Variants in PKIB observed in about 807,000 individuals in gnomAD.
PKIB encodes the protein cAMP-dependent protein kinase inhibitor beta.
Under a neutral mutation model 4.5 loss-of-function variants are expected in PKIB, and 2 were observed. The observed-to-expected ratio is 0.44, with a 90% CI of 0.18 to 1.39. PKIB has a LOEUF of 1.39. PKIB is among the 40% of genes most tolerant of loss of function. The pLI, the probability that PKIB is intolerant of heterozygous loss-of-function variation, is 0.27. For missense variants in PKIB, 94 were observed against 92.6 expected (o/e 1.02, Z -0.06); for synonymous variants, 38 against 36.0 (o/e 1.06, Z -0.20).
At chr6:122,626,073 T>TATAGATAG (rs61494727) in intron 1 of PKIB, among the ~76,000 whole-genome samples, 3,800 of 151,084 alleles carry the variant, frequency 0.025, 53 homozygotes, top group Non-Finnish European at 0.034. Flanking sequence ...AATTTCAAAA[T>TATAGATAG]ATAGATAGAT....
chr6:122,605,113 C>T (rs988720700), intron 3 of PKIB, among the ~76,000 whole-genome samples: 6 of 152,168 alleles, frequency 3.9e-5, no homozygotes, highest in Non-Finnish European at 8.8e-5. Context: ...CCCTAGGCCA[C>T]TCTGTCACCC....
At chr6:122,534,650 T>C (rs917911645) in intron 2 of PKIB, among the ~76,000 whole-genome samples, 2 of 152,024 alleles carry the variant, frequency 1.3e-5, no homozygotes, top group Non-Finnish European at 2.9e-5. Flanking sequence ...AATACTTTCA[T>C]TGGAAAAATA....
At chr6:122,502,473 G>A (rs760911012) in intron 2 of PKIB, among the ~76,000 whole-genome samples, 2 of 151,692 alleles carry the variant, frequency 1.3e-5, no homozygotes, top group Non-Finnish European at 2.9e-5. Context: ...TCAGAAGAGG[G>A]CAAAGGGGAA....
chr6:122,722,629 G>T (rs1387698391), intron 4 of PKIB, among the ~76,000 whole-genome samples: 1 of 152,132 alleles, frequency 6.6e-6, no homozygotes, highest in African/African-American at 2.4e-5. Context: ...TGGTTATAGA[G>T]TACCATTTTC....
At chr6:122,546,121 G>T (rs1033732944) in intron 2 of PKIB, among the ~76,000 whole-genome samples, 1 of 152,050 alleles carries the variant, frequency 6.6e-6, no homozygotes, top group Non-Finnish European at 1.5e-5. Flanking sequence ...GGCAAATCAG[G>T]TCTTCAGCTG....
intron 3 of PKIB, among the ~76,000 whole-genome samples, chr6:122,594,688 G>C (rs777046463): frequency 6.6e-6 from 1 of 152,106 alleles, no homozygotes; most frequent in African/African-American, 2.4e-5. Context: ...ATCTCAACAG[G>C]TCGTGGTTTT....
intron 4 of PKIB, 86 bp downstream of exon 4, chr6:122,718,049 T>A: frequency 7.4e-7 from 1 of 1,352,640 alleles, no homozygotes; most frequent in Non-Finnish European, 1.0e-6. Flanking sequence ...TTTTATCTAG[T>A]TAAAAGTGCT....
intron 1 of PKIB, chr6:122,472,056 C>T (rs1274045863): frequency 1.4e-5 from 6 of 440,210 alleles, no homozygotes; most frequent in Non-Finnish European, 2.4e-5. Flanking sequence ...GAGCAAAACC[C>T]ACCTTTACCT....
At chr6:122,605,813 C>G (rs1051206610), upstream of PKIB, among the ~76,000 whole-genome samples, 40 of 152,162 alleles carry the variant, frequency 2.6e-4, no homozygotes, top group African/African-American at 9.7e-4. Flanking sequence ...CTGGGCAGCT[C>G]TAATCTTCTG....
At chr6:122,555,298 A>G (rs1490699925) in intron 2 of PKIB, among the ~76,000 whole-genome samples, 1 of 152,216 alleles carries the variant, frequency 6.6e-6, no homozygotes, top group Admixed American at 6.5e-5. Flanking sequence ...AAGACTGGAA[A>G]TTAAGAAAAC....
intron 2 of PKIB, among the ~76,000 whole-genome samples, chr6:122,573,159 A>G (rs1328528561): frequency 1.3e-5 from 2 of 152,202 alleles, no homozygotes; most frequent in Non-Finnish European, 2.9e-5. Flanking sequence ...AAAGGACACA[A>G]GAGAAAAAGA....
At chr6:122,695,561 C>T (rs541581888) in intron 3 of PKIB, among the ~76,000 whole-genome samples, 17 of 152,108 alleles carry the variant, frequency 1.1e-4, no homozygotes, top group African/African-American at 2.9e-4. Context: ...GGTGAATATG[C>T]GGTTCAAAGA....
At chr6:122,674,531 T>C (rs1777593978) in intron 2 of PKIB, among the ~76,000 whole-genome samples, 1 of 152,176 alleles carries the variant, frequency 6.6e-6, no homozygotes, top group Admixed American at 6.5e-5. Flanking sequence ...GAATAATATA[T>C]AGGTAGTTTA....
intron 2 of PKIB, among the ~76,000 whole-genome samples, chr6:122,669,660 C>G (rs1437185301): frequency 1.3e-5 from 2 of 152,130 alleles, no homozygotes; most frequent in Non-Finnish European, 2.9e-5. Context: ...CAGGCCCATA[C>G]TTTCAGCTCC....
intron 1 of PKIB, among the ~76,000 whole-genome samples, chr6:122,474,052 G>A (rs1775385809): frequency 6.6e-6 from 1 of 152,214 alleles, no homozygotes; most frequent in Non-Finnish European, 1.5e-5. Flanking sequence ...AGAATTGCTT[G>A]AACCCAGGAG....
At chr6:122,677,720 G>A (rs749299664) in intron 3 of PKIB, among the ~76,000 whole-genome samples, 5 of 152,090 alleles carry the variant, frequency 3.3e-5, no homozygotes, top group African/African-American at 4.8e-5. Flanking sequence ...CAAGGCCCCC[G>A]GAGAAGACCA....
intron 2 of PKIB, among the ~76,000 whole-genome samples, chr6:122,565,406 G>A (rs984753008): frequency 4.6e-5 from 7 of 152,106 alleles, no homozygotes; most frequent in African/African-American, 1.4e-4. Flanking sequence ...CAAAGCTCAT[G>A]GTTATTTGAA....
At chr6:122,493,116 A>G (rs539732686) in intron 2 of PKIB, 38 of 152,348 alleles carry the variant, frequency 2.5e-4, no homozygotes, top group African/African-American at 3.8e-4. Context: ...GAATTTTTAA[A>G]AAGAAATCCC....
intron 2 of PKIB, among the ~76,000 whole-genome samples, chr6:122,661,164 C>T (rs1233121300): frequency 3.9e-5 from 6 of 152,162 alleles, no homozygotes; most frequent in Non-Finnish European, 4.4e-5. Context: ...TCACACCCAG[C>T]ACTAACATCC....
Sources: allele counts gnomAD v4.1 joint callset (sites outside exome capture counted in the v4.1 genomes callset), GRCh38; gene constraint gnomAD v4.1.1; transcripts MANE v1.5; gene names NCBI Gene and HGNC (gene_info 2026-07-23, HGNC 2026-07-21).